The following HS3ST5 variants were observed in gnomAD, a reference collection of about 807,000 sequenced individuals.
HS3ST5 encodes the protein heparan sulfate-glucosamine 3-sulfotransferase 5, also known as heparan sulfate glucosamine 3-O-sulfotransferase 5.
Under a neutral mutation model 25.4 loss-of-function variants are expected in HS3ST5, and 10 were observed. The ratio of observed to expected loss-of-function variants is 0.39; its 90% CI spans 0.24 to 0.67. The LOEUF (loss-of-function observed/expected upper bound fraction) is 0.67. Ranked by LOEUF, HS3ST5 falls within the 30% of genes least tolerant of loss-of-function variation. The pLI, the probability that HS3ST5 is intolerant of heterozygous loss-of-function variation, is 0.44. For synonymous variants in HS3ST5, 170 were observed against 162.4 expected, an observed-to-expected ratio of 1.05 and a Z score of -0.36; for missense variants, 324 against 420.7, an observed-to-expected ratio of 0.77 and a Z score of 2.01.
chr6:114,253,372 A>G (rs1772753242), intron 1 of HS3ST5, among the ~76,000 whole-genome samples: 1 of 152,182 alleles, frequency 6.6e-6, no homozygotes, highest in African/African-American at 2.4e-5. Context: ...GGTACTTTGT[A>G]TTGGTCAACA....
intron 2 of HS3ST5, among the ~76,000 whole-genome samples, chr6:114,222,537 G>T (rs1782091505): frequency 6.6e-6 from 1 of 151,804 alleles, no homozygotes; most frequent in Non-Finnish European, 1.5e-5. Flanking sequence ...CATTTATAAA[G>T]TTCATATTGA....
At chr6:114,301,525 AATTGTGTAAATT>A (rs1393042489) in intron 1 of HS3ST5, among the ~76,000 whole-genome samples, 1 of 152,124 alleles carries the variant, frequency 6.6e-6, no homozygotes, top group Non-Finnish European at 1.5e-5. Context: ...TATCCTAGGC[AATTGTGTAAATT>A]TAAGGGATCT....
intron 1 of HS3ST5, among the ~76,000 whole-genome samples, chr6:114,299,557 C>T (rs1774982987): frequency 6.6e-6 from 1 of 152,092 alleles, no homozygotes; most frequent in Admixed American, 6.5e-5. Flanking sequence ...GTGATGTCTC[C>T]CCCGGATGCC....
chr6:114,278,699 A>T (rs1172156915), intron 1 of HS3ST5, among the ~76,000 whole-genome samples: 7 of 152,024 alleles, frequency 4.6e-5, no homozygotes, highest in Non-Finnish European at 1.0e-4. Flanking sequence ...GCTGAAGTAG[A>T]AATTAAACAG....
At chr6:114,334,943 A>G (rs1363919975) in intron 1 of HS3ST5, among the ~76,000 whole-genome samples, 1 of 152,226 alleles carries the variant, frequency 6.6e-6, no homozygotes, top group African/African-American at 2.4e-5. Context: ...ATGTACACAA[A>G]GTCAAGAAAT....
At chr6:114,306,172 C>T (rs1775279134) in intron 1 of HS3ST5, among the ~76,000 whole-genome samples, 1 of 149,594 alleles carries the variant, frequency 6.7e-6, no homozygotes, top group African/African-American at 2.5e-5. Context: ...GTCCAAATTT[C>T]AGTTTAGTTT....
chr6:114,157,124 T>C (rs1427627452), intron 3 of HS3ST5, among the ~76,000 whole-genome samples: 1 of 152,136 alleles, frequency 6.6e-6, no homozygotes, highest in Non-Finnish European at 1.5e-5. Flanking sequence ...CTTCCATGAC[T>C]ATCCACCCCA....
intron 2 of HS3ST5, among the ~76,000 whole-genome samples, chr6:114,204,303 C>CA (rs1781168887): frequency 6.6e-6 from 1 of 152,162 alleles, no homozygotes; most frequent in East Asian, 1.9e-4. Context: ...TTCAGCATGT[C>CA]AAAATGCCAC....
At position 114,057,465 on chromosome 6, in the gene HS3ST5, C is replaced by T; in HGVS notation, c.833G>A (p.Arg278Lys). 6.2e-7 allele frequency: 1 copy of T among 1,614,080 alleles called. No homozygotes were observed. Among genetic ancestry groups the T allele is most frequent in the East Asian group, 2.2e-5 (1 of 44,874 alleles). ...GAAGTATAAATTGTATTGACTTATCCTTGGAGGCAGATTTAGGAACTTCTC... is the reference window on the plus strand; with the variant it reads ...GAAGTATAAATTGTATTGACTTATCTTTGGAGGCAGATTTAGGAACTTCTC... ...LVEKFLNLPPRISQYNLYFNA... is the reference protein window; with the variant it reads ...LVEKFLNLPPKISQYNLYFNA... The change falls in exon 5 of 5, where the codon AGG (arginine) becomes AAG (lysine). Residue 278 changes from arginine (R) to lysine (K), a missense_variant. This residue lies in a region of HS3ST5 where 203 missense variants were observed against 303.4 expected (regional missense o/e 0.67). Transcript: ENST00000312719.
At chr6:114,302,934 T>TA (rs1204532157) in intron 1 of HS3ST5, among the ~76,000 whole-genome samples, 1 of 152,166 alleles carries the variant, frequency 6.6e-6, no homozygotes, top group Non-Finnish European at 1.5e-5. Context: ...TTATATAACT[T>TA]AAACTTGTGT....
intron 3 of HS3ST5, chr6:114,084,773 G>A: frequency 1.3e-6 from 1 of 759,286 alleles, no homozygotes; most frequent in Non-Finnish European, 2.4e-6. Context: ...GGCTCCAGTG[G>A]CAGCAGCAAA....
Position 114,057,650 on chromosome 6 carries a change from G to A in HS3ST5, c.648C>T (p.Asp216=). 1 of 1,614,132 alleles carries A rather than the reference G, an allele frequency of 6.2e-7. No individual in the cohort carries two copies. Among genetic ancestry groups the A allele is most frequent in the Non-Finnish European group, 8.5e-7 (1 of 1,180,026 alleles). ...TTGTGTTCACTTCGCATGTATTAGG[G>A]TCTATGGCCAGCTTCTCAAACTTGT... The part of the protein sequence containing the change: ...TYYKFEKLAI[D]PNTCEVNTKY... Residue 216 remains aspartate (D), a synonymous_variant, in exon 5 of 5, where the codon GAC becomes GAT. Transcript: ENST00000312719.
chr6:114,071,970 G>A (rs953751093), intron 3 of HS3ST5, among the ~76,000 whole-genome samples: 16 of 152,104 alleles, frequency 1.1e-4, no homozygotes, highest in African/African-American at 3.6e-4. Flanking sequence ...ATAGAAGTGG[G>A]GCAGTGGGCA....
intron 1 of HS3ST5, among the ~76,000 whole-genome samples, chr6:114,291,863 C>T (rs887130960): frequency 8.5e-5 from 13 of 152,160 alleles, no homozygotes; most frequent in South Asian, 2.1e-4. Context: ...TTTTTTCACA[C>T]GTAAGAGAAT....
intron 3 of HS3ST5, among the ~76,000 whole-genome samples, chr6:114,101,333 T>C (rs1246229293): frequency 6.6e-6 from 1 of 152,188 alleles, no homozygotes; most frequent in Non-Finnish European, 1.5e-5. Context: ...TCCTATATGA[T>C]ATTGCATTAT....
chr6:114,139,771 G>C (rs765843606), intron 3 of HS3ST5, among the ~76,000 whole-genome samples: 1 of 152,180 alleles, frequency 6.6e-6, no homozygotes, highest in Non-Finnish European at 1.5e-5. Flanking sequence ...ACATTGTTGG[G>C]AGTCAAGAGA....
intron 1 of HS3ST5, among the ~76,000 whole-genome samples, chr6:114,338,221 C>T (rs1381124479): frequency 6.6e-6 from 1 of 151,274 alleles, no homozygotes; most frequent in Non-Finnish European, 1.5e-5. Context: ...TCCTGTTGTA[C>T]AAGGTTATTA....
At chr6:114,110,915 G>A (rs1776234095) in intron 3 of HS3ST5, among the ~76,000 whole-genome samples, 1 of 151,822 alleles carries the variant, frequency 6.6e-6, no homozygotes, top group Non-Finnish European at 1.5e-5. Context: ...AAAAGCATAG[G>A]GCAATTTCCT....
At chr6:114,167,945 G>C (rs1451189827) in intron 3 of HS3ST5, among the ~76,000 whole-genome samples, 1 of 152,116 alleles carries the variant, frequency 6.6e-6, no homozygotes, top group African/African-American at 2.4e-5. Flanking sequence ...TCAAAGAGTA[G>C]TTGGGAAAGA....
Sources: allele counts gnomAD v4.1 joint callset (sites outside exome capture counted in the v4.1 genomes callset), GRCh38; gene constraint gnomAD v4.1.1; regional missense constraint gnomAD v4.1.1; transcripts MANE v1.5; gene names NCBI Gene and HGNC (gene_info 2026-07-23, HGNC 2026-07-21).